The following LIN52 variants were observed in gnomAD, a reference collection of about 807,000 sequenced individuals.
The protein encoded by LIN52 is lin-52 DREAM MuvB core complex component, also known as protein lin-52 homolog.
Under a neutral mutation model 18.5 loss-of-function variants are expected in LIN52, and 4 were observed. The observed-to-expected ratio is 0.22, with a 90% CI of 0.11 to 0.49. The LOEUF is 0.49. Ranked by LOEUF, LIN52 falls within the 20% of genes least tolerant of loss-of-function variation. The pLI is 0.97. For missense variants in LIN52, 102 were observed against 139.5 expected, an observed-to-expected ratio of 0.73 and a Z score of 1.35; for synonymous variants, 34 against 45.5, an observed-to-expected ratio of 0.75 and a Z score of 1.02.
At chr14:74,164,600 A>G (rs562420028) in intron 5 of LIN52, among the ~76,000 whole-genome samples, 2 of 152,156 alleles carry the variant, frequency 1.3e-5, no homozygotes, top group Non-Finnish European at 2.9e-5. Flanking sequence ...CTGAAAATGT[A>G]GCAAATTATG....
intron 5 of LIN52, among the ~76,000 whole-genome samples, chr14:74,166,523 A>C (rs2061250706): frequency 6.6e-6 from 1 of 152,206 alleles, no homozygotes; most frequent in Admixed American, 6.5e-5. Flanking sequence ...AAGATCTTTA[A>C]ATTAAAACGT....
intron 5 of LIN52, among the ~76,000 whole-genome samples, chr14:74,190,230 T>C (rs767860094): frequency 2.0e-5 from 3 of 152,288 alleles, no homozygotes; most frequent in South Asian, 2.1e-4. Context: ...AGATACCCAA[T>C]AGAAAGATAA....
chr14:74,168,592 C>T (rs1163001090), intron 5 of LIN52, among the ~76,000 whole-genome samples: 2 of 151,742 alleles, frequency 1.3e-5, no homozygotes, highest in Non-Finnish European at 2.9e-5. Context: ...GGTGTGAACC[C>T]AGGAGGCGGA....
chr14:74,103,178 A>G (rs144796319), intron 5 of LIN52, among the ~76,000 whole-genome samples: 1,567 of 152,182 alleles, frequency 0.01, 12 homozygotes, highest in Middle Eastern at 0.027. Context: ...TCTTGGGTTC[A>G]AGTGATTTTC....
chr14:74,150,030 C>T (rs916135532), intron 5 of LIN52, among the ~76,000 whole-genome samples: 3 of 152,058 alleles, frequency 2.0e-5, no homozygotes, highest in African/African-American at 7.2e-5. Flanking sequence ...AAAGATTGTC[C>T]CCCTGCTGAG....
At chr14:74,114,123 G>A (rs2060948332) in intron 5 of LIN52, 1 of 983,980 alleles carries the variant, frequency 1.0e-6, no homozygotes, top group Non-Finnish European at 1.2e-6. Context: ...TGGGACTACA[G>A]GTGTGAGCCA....
intron 4 of LIN52, among the ~76,000 whole-genome samples, chr14:74,100,834 C>T (rs1291664945): frequency 6.6e-6 from 1 of 152,130 alleles, no homozygotes; most frequent in Non-Finnish European, 1.5e-5. Context: ...GTCTTGAACT[C>T]CTGGGCTCAA....
At chr14:74,086,232 G>A (rs1317039129) in intron 1 of LIN52, among the ~76,000 whole-genome samples, 3 of 152,244 alleles carry the variant, frequency 2.0e-5, no homozygotes, top group African/African-American at 7.2e-5. Context: ...AGTGCCTGAC[G>A]AACAGTAGGT....
chr14:74,101,231 G>C lies in LIN52; in HGVS notation c.276G>C (p.Leu92=), dbSNP rs1236900512. 1.2e-6 allele frequency: 2 copies of C among 1,607,274 alleles called. No homozygotes were observed. Among genetic ancestry groups the C allele is most frequent in the African/African-American group, 2.7e-5 (2 of 74,428 alleles). ...GLQNLAYQLG[L]DESREMTRGK... ...AGAACCTAGCCTATCAGCTGGGGCT[G>C]GATGAGTGTGAGTACCCCGATCGCA... The change falls in exon 5 of 6, where the codon CTG becomes CTC. Residue 92 remains leucine (L), a synonymous_variant. Transcript: ENST00000555028.
intron 5 of LIN52, among the ~76,000 whole-genome samples, chr14:74,137,623 C>A (rs767661208): frequency 6.6e-6 from 1 of 151,406 alleles, no homozygotes; most frequent in South Asian, 2.1e-4. Flanking sequence ...CTCAGCCTCC[C>A]GAGTAGCTGG....
intron 5 of LIN52, among the ~76,000 whole-genome samples, chr14:74,198,050 G>C (rs755765777): frequency 1.3e-5 from 2 of 152,286 alleles, no homozygotes; most frequent in East Asian, 3.9e-4. Flanking sequence ...AGCCATCAGC[G>C]ATCAGAAACT....
At chr14:74,098,062 C>G (rs981672845) in intron 4 of LIN52, among the ~76,000 whole-genome samples, 1 of 152,128 alleles carries the variant, frequency 6.6e-6, no homozygotes, top group African/African-American at 2.4e-5. Context: ...AAGACTCAGT[C>G]ATAGTGAATT....
At chr14:74,088,885 G>T (rs2060752846) in intron 1 of LIN52, among the ~76,000 whole-genome samples, 1 of 152,204 alleles carries the variant, frequency 6.6e-6, no homozygotes, top group Non-Finnish European at 1.5e-5. Flanking sequence ...ACTACTGTGT[G>T]CAAGGGAAGA....
intron 5 of LIN52, among the ~76,000 whole-genome samples, chr14:74,113,784 A>G (rs1442453327): frequency 6.6e-6 from 1 of 152,152 alleles, no homozygotes. Flanking sequence ...AAAATAAAGA[A>G]GAAAGTAAAA....
At chr14:74,155,115 T>C (rs1437739037) in intron 5 of LIN52, among the ~76,000 whole-genome samples, 1 of 152,254 alleles carries the variant, frequency 6.6e-6, no homozygotes, top group African/African-American at 2.4e-5. Flanking sequence ...TCTGGCTCTT[T>C]GCCTTCTAGT....
chr14:74,097,845 A>G lies in LIN52; in HGVS notation c.184A>G (p.Ile62Val), dbSNP rs903845791. ...KWMAEIERDD[I>V]DMLKELGSLT... ...GATGGCTGAGATAGAACGTGATGAC[A>G]TCGACATGTTGAAAGGTAAGTGATG... The change falls in exon 4 of 6, where the codon ATC becomes GTC. Residue 62 changes from isoleucine (I) to valine (V), a missense_variant. Physicochemically the swap from Ile to Val is conservative, Grantham distance 29. Coordinates refer to ENST00000555028, the MANE Select transcript of LIN52 (RefSeq NM_001024674.3). 9 of 1,612,854 alleles carry G rather than the reference A, an allele frequency of 5.6e-6. No individual in the cohort carries two copies. Among genetic ancestry groups the G allele is most frequent in the Non-Finnish European group, 7.6e-6 (9 of 1,178,948 alleles).
At chr14:74,106,539 TG>T (rs1223169677) in intron 5 of LIN52, among the ~76,000 whole-genome samples, 1 of 152,204 alleles carries the variant, frequency 6.6e-6, no homozygotes, top group Non-Finnish European at 1.5e-5. Flanking sequence ...CCCAAAGTGC[TG>T]AAATTACAGA....
chr14:74,119,291 A>G (rs777480190), intron 5 of LIN52, among the ~76,000 whole-genome samples: 6 of 150,296 alleles, frequency 4.0e-5, no homozygotes, highest in Non-Finnish European at 8.9e-5. Context: ...CCTCCCGAAT[A>G]GCTAGGACTA....
intron 5 of LIN52, among the ~76,000 whole-genome samples, chr14:74,123,699 A>G (rs760321717): frequency 6.6e-6 from 1 of 152,146 alleles, no homozygotes; most frequent in Non-Finnish European, 1.5e-5. Context: ...CCCTTGTTTA[A>G]TCATCTCTTG....
Sources: allele counts gnomAD v4.1 joint callset (sites outside exome capture counted in the v4.1 genomes callset), GRCh38; gene constraint gnomAD v4.1.1; transcripts MANE v1.5; gene names NCBI Gene and HGNC (gene_info 2026-07-23, HGNC 2026-07-21).